KCND2: variants seen among roughly 807,000 people sequenced by gnomAD.
The protein encoded by KCND2 is potassium voltage-gated channel subfamily D member 2.
A neutral mutation model predicts 54.4 loss-of-function variants in KCND2; 16 were observed. That is an observed-to-expected ratio of 0.29 (90% CI 0.20 to 0.45). The LOEUF (loss-of-function observed/expected upper bound fraction) is 0.45, where lower values mean the gene tolerates loss of function less well. Among genes scored for constraint, KCND2 ranks in the 20% least tolerant of loss-of-function variants. The pLI is 1.00. For synonymous variants in KCND2, 317 were observed against 310.7 expected (o/e 1.02, Z -0.21); for missense variants, 486 against 824.2 (o/e 0.59, Z 5.02).
intron 1 of KCND2, among the ~76,000 whole-genome samples, chr7:120,536,792 C>T (rs1025280769): frequency 3.3e-5 from 5 of 152,162 alleles, no homozygotes; most frequent in Admixed American, 6.5e-5. Context: ...TAGTTACTTT[C>T]TCCACTGAAG....
intron 1 of KCND2, among the ~76,000 whole-genome samples, chr7:120,279,080 A>G (rs1799224279): frequency 6.6e-6 from 1 of 151,934 alleles, no homozygotes; most frequent in Non-Finnish European, 1.5e-5. Context: ...GGAAAATAAC[A>G]TCCAGTTGTT....
At chr7:120,403,779 A>C (rs777865330) in intron 1 of KCND2, among the ~76,000 whole-genome samples, 1 of 152,112 alleles carries the variant, frequency 6.6e-6, no homozygotes, top group Non-Finnish European at 1.5e-5. Flanking sequence ...TATTGATCAG[A>C]GTGACATTTT....
chr7:120,560,992 G>T (rs17142829), intron 1 of KCND2, among the ~76,000 whole-genome samples: 105,218 of 151,984 alleles, frequency 0.69, 38,812 homozygotes, highest in Middle Eastern at 0.88. Context: ...CATTAGTACT[G>T]TCACATTACT....
intron 1 of KCND2, among the ~76,000 whole-genome samples, chr7:120,631,784 T>C (rs1309248203): frequency 6.6e-6 from 1 of 152,172 alleles, no homozygotes. Context: ...AAATAGTTCA[T>C]TGTTTTCAAT....
At chr7:120,747,208 T>C (rs1033670327) in intron 5 of KCND2, among the ~76,000 whole-genome samples, 5 of 152,070 alleles carry the variant, frequency 3.3e-5, no homozygotes, top group African/African-American at 1.2e-4. Flanking sequence ...TTTATTTCTG[T>C]AATATGTGAT....
intron 1 of KCND2, among the ~76,000 whole-genome samples, chr7:120,426,437 T>C (rs1379786011): frequency 2.0e-5 from 3 of 152,114 alleles, no homozygotes; most frequent in African/African-American, 7.2e-5. Flanking sequence ...TCAATTTAAT[T>C]TGGATTTGAC....
chr7:120,447,537 T>C (rs565854290), intron 1 of KCND2, among the ~76,000 whole-genome samples: 16 of 152,248 alleles, frequency 1.1e-4, no homozygotes, highest in African/African-American at 3.4e-4. Flanking sequence ...CATACATTTT[T>C]AAGCATCTGA....
At chr7:120,574,844 T>C (rs1446512438) in intron 1 of KCND2, among the ~76,000 whole-genome samples, 1 of 152,176 alleles carries the variant, frequency 6.6e-6, no homozygotes, top group African/African-American at 2.4e-5. Flanking sequence ...GGGCAATCTA[T>C]GTATGATGGT....
intron 1 of KCND2, among the ~76,000 whole-genome samples, chr7:120,282,687 CT>C (rs1443235284): frequency 2.0e-5 from 3 of 152,144 alleles, no homozygotes. Flanking sequence ...AAGGTCTTGT[CT>C]TTTTTGCTTT....
At chr7:120,273,141 G>A (rs1350373779), upstream of KCND2, among the ~76,000 whole-genome samples, 5 of 152,316 alleles carry the variant, frequency 3.3e-5, no homozygotes, top group East Asian at 9.7e-4. Flanking sequence ...GGCGGAGAAA[G>A]GTCAAGCCGA....
At chr7:120,517,429 C>T (rs1320994642) in intron 1 of KCND2, among the ~76,000 whole-genome samples, 1 of 151,996 alleles carries the variant, frequency 6.6e-6, no homozygotes, top group African/African-American at 2.4e-5. Flanking sequence ...TATCAGTAAA[C>T]TGTGAGATGT....
intron 1 of KCND2, among the ~76,000 whole-genome samples, chr7:120,290,584 C>T (rs898582084): frequency 6.6e-6 from 1 of 151,850 alleles, no homozygotes; most frequent in African/African-American, 2.4e-5. Context: ...AAATATTATA[C>T]CCTTGGCTTT....
chr7:120,616,962 C>A (rs1793033148), intron 1 of KCND2, among the ~76,000 whole-genome samples: 1 of 152,204 alleles, frequency 6.6e-6, no homozygotes, highest in African/African-American at 2.4e-5. Context: ...TTAGCACAAA[C>A]AACTGATCAT....
intron 1 of KCND2, among the ~76,000 whole-genome samples, chr7:120,368,877 ACT>A (rs1800723712): frequency 6.6e-6 from 1 of 152,050 alleles, no homozygotes; most frequent in Admixed American, 6.6e-5. Context: ...AAGTTAAACC[ACT>A]GTGTTTTACT....
chr7:120,434,663 ACTT>A (rs1801841098), intron 1 of KCND2, among the ~76,000 whole-genome samples: 1 of 152,182 alleles, frequency 6.6e-6, no homozygotes, highest in Non-Finnish European at 1.5e-5. Context: ...TAAATCAAGA[ACTT>A]CTATTCTGGT....
chr7:120,286,806 T>G (rs1310094394), intron 1 of KCND2, among the ~76,000 whole-genome samples: 1 of 152,108 alleles, frequency 6.6e-6, no homozygotes, highest in East Asian at 1.9e-4. Flanking sequence ...ATTCATTCAT[T>G]ACTTTTTTAC....
intron 1 of KCND2, among the ~76,000 whole-genome samples, chr7:120,315,328 C>T (rs1584726356): frequency 6.6e-6 from 1 of 152,244 alleles, no homozygotes; most frequent in East Asian, 1.9e-4. Context: ...TACTTGACTT[C>T]ATATTTACTA....
At chr7:120,349,533 T>C (rs1800371988) in intron 1 of KCND2, among the ~76,000 whole-genome samples, 2 of 152,220 alleles carry the variant, frequency 1.3e-5, no homozygotes, top group South Asian at 4.1e-4. Flanking sequence ...ACATTCAATT[T>C]TGGAATTTTT....
Position 120,385,125 on chromosome 7 carries a change from G to C in KCND2, c.1115+109378G>C, listed in dbSNP as rs553771497. 3.4e-3 allele frequency among the ~76,000 whole-genome samples: 490 copies of C among 142,086 alleles called. 2 individuals carry two copies. Among genetic ancestry groups the C allele is most frequent in the Non-Finnish European group, 5.7e-3 (376 of 66,364 alleles). The allele number at this position is 142,086 out of a possible 152,430, so 93.2% of individuals were successfully genotyped here. A position where few individuals can be genotyped will look rare whatever the true frequency, so the allele number is the denominator to read the frequency against. On this transcript the variant is annotated intron_variant, in intron 1 of 5. Coordinates refer to ENST00000331113, the MANE Select transcript of KCND2 (RefSeq NM_012281.3). ...AGACGCAAGCAATCATCCCACCTCA[G>C]CCTCCCAAGTAGCTGGGACTACAGG...
Sources: gnomAD v4.1 joint callset for allele counts (sites outside exome capture counted in the v4.1 genomes callset) on GRCh38, gnomAD v4.1.1 for gene constraint, MANE v1.5 for transcripts, NCBI Gene and HGNC (gene_info 2026-07-23, HGNC 2026-07-21) for gene names.